The following ZNF324B variants were observed in gnomAD, a reference collection of about 807,000 sequenced individuals.
The protein encoded by ZNF324B is zinc finger protein 324B.
In ZNF324B, 7 loss-of-function variants were observed where a neutral mutation model predicts 10.6. That is an observed-to-expected ratio of 0.66 (90% CI 0.38 to 1.24). The LOEUF (loss-of-function observed/expected upper bound fraction) is 1.24. Ranked by LOEUF, ZNF324B falls within the 50% of genes most tolerant of loss-of-function variation. The pLI, the probability that ZNF324B is intolerant of heterozygous loss-of-function variation, is 0.02. For synonymous variants in ZNF324B, 316 were observed against 321.0 expected (o/e 0.98, Z 0.17); for missense variants, 640 against 764.7 (o/e 0.84, Z 1.92).
At chr19:58,454,746 A>G in intron 3 of ZNF324B, 2 of 565,132 alleles carry the variant, frequency 3.5e-6, no homozygotes. Flanking sequence ...GTGCTAGGGG[A>G]GACGCAGTGA....
rs757876782 is a variant in ZNF324B, at chr19:58,455,577, G to A, written c.633G>A (p.Ser211=). The A allele has an allele frequency of 8.1e-6, 13 of 1,614,068 alleles. No individual in the cohort carries two copies. Among genetic ancestry groups the A allele is most frequent in the Non-Finnish European group, 1.1e-5 (13 of 1,180,018 alleles). Reference sequence around the variant, plus strand: ...CTGGGAGAGCCTTCGGGAATGCCTCGGACCTGAAGGCCGCCAGTGGTGGCA... The same window carrying A: ...CTGGGAGAGCCTTCGGGAATGCCTCAGACCTGAAGGCCGCCAGTGGTGGCA... ...EVPGRAFGNA[S]DLKAASGGRD... Residue 211 remains serine (S), a synonymous_variant, in exon 4 of 4, where the codon TCG becomes TCA. Transcript: ENST00000336614. This position sits in a 1 kb window ranked among gnomAD's most constrained non-coding sequence, Gnocchi z 7.0.
upstream of ZNF324B, among the ~76,000 whole-genome samples, chr19:58,449,011 C>T (rs1167362595): frequency 6.6e-6 from 1 of 152,218 alleles, no homozygotes; most frequent in Non-Finnish European, 1.5e-5. Context: ...GGCAGCCCTT[C>T]CCATCACAGG....
chr19:58,446,415 G>C, the ZNF324B span, among the ~76,000 whole-genome samples: 2 of 151,958 alleles, frequency 1.3e-5, no homozygotes, highest in African/African-American at 4.8e-5. Flanking sequence ...CTTCCCAGTT[G>C]CTCAATGTAA....
At chr19:58,420,545 C>T in the ZNF324B span, among the ~76,000 whole-genome samples, 6 of 151,168 alleles carry the variant, frequency 4.0e-5, no homozygotes, top group Non-Finnish European at 8.8e-5. Context: ...GCCTGGGCAA[C>T]ATGGCAAGAC....
At chr19:58,434,074 C>T in the ZNF324B span, 40 of 1,614,122 alleles carry the variant, frequency 2.5e-5, no homozygotes, top group Middle Eastern at 1.6e-4. Flanking sequence ...CTCAAAAGGC[C>T]GTTCTCCGGT....
chr19:58,434,539 T>C, the ZNF324B span: 1 of 1,614,054 alleles, frequency 6.2e-7, no homozygotes, highest in Non-Finnish European at 8.5e-7. Flanking sequence ...CTTAGATGAG[T>C]GACTAAAGGC....
At chr19:58,429,377 T>G in the ZNF324B span, 1 of 152,260 alleles carries the variant, frequency 6.6e-6, no homozygotes, top group Non-Finnish European at 1.5e-5. Flanking sequence ...AACCTTTTCT[T>G]CTATTTTAGA....
chr19:58,437,813 A>C, the ZNF324B span: 1 of 985,324 alleles, frequency 1.0e-6, no homozygotes. Flanking sequence ...ATAGCCCCTC[A>C]AGTCAATGCC....
the ZNF324B span, chr19:58,435,257 G>A: frequency 6.4e-7 from 1 of 1,568,512 alleles, no homozygotes; most frequent in South Asian, 1.2e-5. Flanking sequence ...CACTTGGTGG[G>A]AATGGTTGAC....
At chr19:58,449,899 G>A (rs937207161), upstream of ZNF324B, among the ~76,000 whole-genome samples, 10 of 152,178 alleles carry the variant, frequency 6.6e-5, no homozygotes, top group South Asian at 1.9e-3. Flanking sequence ...GGACTGTTGG[G>A]AAGGCACGAT....
the ZNF324B span, among the ~76,000 whole-genome samples, chr19:58,427,433 TCC>T: frequency 1.4e-4 from 5 of 35,476 alleles, no homozygotes; most frequent in African/African-American, 7.7e-4. Flanking sequence ...CTTCCTTCCT[TCC>T]TTCCTTCCTT....
rs2052928516 is a variant in ZNF324B at position 58,456,888 on chromosome 19, A to T, written c.*309A>T. Reference sequence around the variant, plus strand: ...AGGACGCCGACAAAGGCAGCGCTGCATGGTGGTGCTACTTCATGTGTTATG... The same window carrying T: ...AGGACGCCGACAAAGGCAGCGCTGCTTGGTGGTGCTACTTCATGTGTTATG... On this transcript the variant is annotated 3_prime_UTR_variant, in exon 4 of 4. Transcript: ENST00000336614. The surrounding 1 kb of genome is among the most constrained non-coding windows in gnomAD (Gnocchi z 4.7). The T allele has an allele frequency of 2.1e-6, 1 of 479,088 alleles. No homozygotes were observed. The highest frequency in any genetic ancestry group is 1.9e-5 in the African/African-American group (1 of 51,858). 29.7% of individuals were successfully genotyped at this position (479,088 alleles called of 1,614,324 possible).
At chr19:58,436,097 T>C in the ZNF324B span, among the ~76,000 whole-genome samples, 2 of 152,266 alleles carry the variant, frequency 1.3e-5, no homozygotes, top group East Asian at 3.9e-4. Flanking sequence ...GAAAAATACA[T>C]AGTATTCTAT....
At chr19:58,446,369 G>A in the ZNF324B span, among the ~76,000 whole-genome samples, 6 of 152,124 alleles carry the variant, frequency 3.9e-5, no homozygotes, top group Non-Finnish European at 8.8e-5. Context: ...ACACCACTGG[G>A]TCCTGTGGTG....
At chr19:58,434,615 A>G in the ZNF324B span, 2 of 1,614,054 alleles carry the variant, frequency 1.2e-6, no homozygotes, top group Non-Finnish European at 1.7e-6. Flanking sequence ...CCAAGGATTG[A>G]TTTCTCCTCT....
upstream of ZNF324B, among the ~76,000 whole-genome samples, chr19:58,447,231 G>T (rs1479441347): frequency 6.6e-6 from 1 of 152,176 alleles, no homozygotes; most frequent in Non-Finnish European, 1.5e-5. Flanking sequence ...GCCTGCCTCG[G>T]CCTCCCAAAG....
At chr19:58,427,500 TTCTTTTTC>T in the ZNF324B span, among the ~76,000 whole-genome samples, 101 of 122,480 alleles carry the variant, frequency 8.2e-4, no homozygotes, top group Admixed American at 1.7e-3. Flanking sequence ...CTTCCTTTCT[TTCTTTTTC>T]TTTCTTTCTT....
chr19:58,448,292 G>A (rs1307491371), upstream of ZNF324B, among the ~76,000 whole-genome samples: 2 of 152,228 alleles, frequency 1.3e-5, no homozygotes, highest in East Asian at 1.9e-4. Flanking sequence ...ATGAACTCCA[G>A]GCTGAGGTAG....
the ZNF324B span, chr19:58,429,036 C>T: frequency 6.6e-6 from 1 of 152,222 alleles, no homozygotes; most frequent in Non-Finnish European, 1.5e-5. Flanking sequence ...CCACAGGTGA[C>T]CCTTGGTGTC....
Sources: gnomAD v4.1 joint callset for allele counts (sites outside exome capture counted in the v4.1 genomes callset) on GRCh38, gnomAD v4.1.1 for gene constraint, Gnocchi (gnomAD v3.1) non-coding constraint, MANE v1.5 for transcripts, NCBI Gene and HGNC (gene_info 2026-07-23, HGNC 2026-07-21) for gene names.